The following GALNT15 variants were observed in gnomAD, a reference collection of about 807,000 sequenced individuals.
GALNT15 encodes the protein polypeptide N-acetylgalactosaminyltransferase 15.
In GALNT15, 67 loss-of-function variants were observed where a neutral mutation model predicts 66.8. That is an observed-to-expected ratio of 1.00 (90% confidence interval 0.82 to 1.23). The LOEUF (loss-of-function observed/expected upper bound fraction) is 1.23. Among genes scored for constraint, GALNT15 ranks in the 50% most tolerant of loss-of-function variants. GALNT15 has a pLI of 0.00. For missense variants in GALNT15, 827 were observed against 804.3 expected (o/e 1.03, Z -0.34); for synonymous variants, 313 against 311.5 (o/e 1.00, Z -0.05).
chr3:16,175,785 T>A lies in GALNT15; in HGVS notation c.539+95T>A. 8.7e-7 allele frequency: 1 copy of A among 1,145,906 alleles called. No individual in the cohort carries two copies. The highest frequency in any genetic ancestry group is 1.2e-6 in the Non-Finnish European group (1 of 828,868). The allele number at this position is 1,145,906 out of a possible 1,614,324, so 71.0% of individuals were successfully genotyped here. On this transcript the variant is annotated intron_variant, in intron 1 of 9. Transcript: ENST00000339732. This position sits in a 1 kb window ranked among gnomAD's most constrained non-coding sequence, Gnocchi z 5.6. Reference sequence around the variant, plus strand: ...CAAACTTTCCGTAGCCTGCCTCTCCTGACTTAGAGCAAGTGCTTTTCAAGA... The same window carrying A: ...CAAACTTTCCGTAGCCTGCCTCTCCAGACTTAGAGCAAGTGCTTTTCAAGA...
chr3:16,219,317 T>G lies in GALNT15; in HGVS notation c.1393-86T>G, dbSNP rs2124897952. The G allele has an allele frequency of 6.4e-7, 1 of 1,553,772 alleles. No individual in the cohort carries two copies. Among genetic ancestry groups the G allele is most frequent in the East Asian group, 2.2e-5 (1 of 44,648 alleles). On this transcript the variant is annotated intron_variant, in intron 6 of 9. Transcript: ENST00000339732. The surrounding 1 kb of genome is among the most constrained non-coding windows in gnomAD (Gnocchi z 4.3). The stretch of plus-strand genomic sequence containing the variant: ...CTTCCTTCTGTCCTGATCCTTTAGC[T>G]TCTTCCCAGCCACTCCATCCCCAAC...
chr3:16,243,563 G>T, the GALNT15 span, among the ~76,000 whole-genome samples: 2 of 152,232 alleles, frequency 1.3e-5, 1 homozygote, highest in East Asian at 3.8e-4. Flanking sequence ...TTTATTGGCA[G>T]GTGTAGCAAG....
At chr3:16,218,222 G>A (rs1051496912) in intron 6 of GALNT15, among the ~76,000 whole-genome samples, 1 of 152,156 alleles carries the variant, frequency 6.6e-6, no homozygotes, top group Non-Finnish European at 1.5e-5. Context: ...AAAGAGAGAG[G>A]GAAAGCAGAA....
At chr3:16,242,549 G>C in the GALNT15 span, among the ~76,000 whole-genome samples, 1 of 152,012 alleles carries the variant, frequency 6.6e-6, no homozygotes, top group Non-Finnish European at 1.5e-5. The surrounding 1 kb of genome is among the most constrained non-coding windows in gnomAD (Gnocchi z 5.6). Context: ...CTTGCGCCCA[G>C]GAATTCGAGA....
intron 4 of GALNT15, among the ~76,000 whole-genome samples, chr3:16,210,657 G>T (rs969791369): frequency 4.6e-5 from 7 of 152,186 alleles, no homozygotes; most frequent in Admixed American, 4.6e-4. Context: ...GTCCCTGGTG[G>T]ATTCATCATA....
At chr3:16,208,239 T>C (rs1183616777) in intron 3 of GALNT15, among the ~76,000 whole-genome samples, 2 of 152,226 alleles carry the variant, frequency 1.3e-5, no homozygotes, top group African/African-American at 2.4e-5. Context: ...ATAATATAGT[T>C]CAGTAAACCC....
Position 16,200,332 on chromosome 3 carries a change from A to G in GALNT15, c.707-287A>G, listed in dbSNP as rs1197703862. Among the ~76,000 whole-genome samples, 1 of 152,200 alleles carries G rather than the reference A, an allele frequency of 6.6e-6. No homozygotes were observed. Among genetic ancestry groups the G allele is most frequent in the Non-Finnish European group, 1.5e-5 (1 of 68,032 alleles). Reference sequence around the variant, plus strand: ...CCAAACCATATCAGACACCAACAGTATCTGCTACATTCTTGCTGCTGCATT... The same window carrying G: ...CCAAACCATATCAGACACCAACAGTGTCTGCTACATTCTTGCTGCTGCATT... On this transcript the variant is annotated intron_variant, in intron 2 of 9. Transcript: ENST00000339732. This position sits in a 1 kb window ranked among gnomAD's most constrained non-coding sequence, Gnocchi z 4.4.
rs774305966 is a variant in GALNT15, at chr3:16,219,924, A to C, written c.1539A>C (p.Gly513=). ...PSFSGKLHNT[G]LGLCADCQAE... ...TCCACTTTCAGCTCCACAACACTGG[A>C]CTTGGGCTCTGTGCAGACTGCCAGG... Residue 513 remains glycine (G), a synonymous_variant, in exon 8 of 10, where the codon GGA becomes GGC. Transcript: ENST00000339732. The surrounding 1 kb of genome is among the most constrained non-coding windows in gnomAD (Gnocchi z 4.3). 52 of 1,613,938 alleles carry C rather than the reference A, an allele frequency of 3.2e-5. No individual in the cohort carries two copies. The highest frequency in any genetic ancestry group is 4.1e-5 in the Non-Finnish European group (48 of 1,179,960).
intron 3 of GALNT15, among the ~76,000 whole-genome samples, chr3:16,207,533 A>ATTGGACT (rs2063769979): frequency 5.1e-4 from 1 of 1,950 alleles, no homozygotes; most frequent in African/African-American, 2.5e-3. Flanking sequence ...AAAAAAAAAA[A>ATTGGACT]AAAAAAAAAA....
At position 16,208,654 on chromosome 3, in the gene GALNT15, C is replaced by G; in HGVS notation, c.1063C>G (p.Pro355Ala). The G allele has an allele frequency of 1.2e-6, 2 of 1,613,958 alleles. No individual in the cohort carries two copies. The highest frequency in any genetic ancestry group is 1.7e-6 in the Non-Finnish European group (2 of 1,179,962). ...GCATGTGAGGAAGGCCCTCCAGTCC[C>G]CCATAAGCCCCATCAGGTGAGTCCC... ...PEHVRKALQS[P>A]ISPIRSPVVP... is the part of the protein sequence containing the mutation. Residue 355 changes from proline to alanine, a missense_variant, in exon 4 of 10, where the codon CCC becomes GCC. Pro to Ala is a conservative substitution (Grantham distance 27). Transcript: ENST00000339732.
At chr3:16,212,840 T>C (rs2063832041) in intron 6 of GALNT15, 77 bp downstream of exon 6, 1 of 1,303,838 alleles carries the variant, frequency 7.7e-7, no homozygotes, top group Admixed American at 2.1e-5. Flanking sequence ...AGGGCTCCTT[T>C]CTCTTGCCTG....
chr3:16,233,161 T>G (rs979807416), downstream of GALNT15, among the ~76,000 whole-genome samples: 1 of 136,702 alleles, frequency 7.3e-6, no homozygotes, highest in Non-Finnish European at 1.5e-5. Context: ...AGTGGCACGA[T>G]CTTGATTCAC....
In GALNT15 at chr3:16,208,504, A is replaced by G. The variant is rs773782318; in HGVS notation, c.913A>G (p.Ser305Gly). The G allele has an allele frequency of 4.3e-6, 7 of 1,613,570 alleles. No individual in the cohort carries two copies. Among genetic ancestry groups the G allele is most frequent in the Non-Finnish European group, 5.9e-6 (7 of 1,179,762 alleles). ...PLLSRIAGDR[S>G]RVVSPVIDVI... ...GTTTAATTCCACAATTCTTTCCAGG[A>G]GCCGAGTGGTATCTCCGGTGATAGA... Residue 305 changes from serine (S) to glycine (G), a missense_variant and splice_region_variant, in exon 4 of 10, where the codon AGC becomes GGC. Physicochemically the swap from Ser to Gly is moderately conservative, Grantham distance 56. Coordinates refer to ENST00000339732, the MANE Select transcript of GALNT15 (RefSeq NM_054110.5).
At position 16,209,836 on chromosome 3, in the gene GALNT15, A is replaced by T. The variant is rs2063794977; in HGVS notation, c.1079+1166A>T. ...GATTCTGTCTCAAAAACAAAAAACAAAAACAAAATCATTAGGCAGCAAAAG... is the reference window on the plus strand; with the variant it reads ...GATTCTGTCTCAAAAACAAAAAACATAAACAAAATCATTAGGCAGCAAAAG... On this transcript the variant is annotated intron_variant, in intron 4 of 9. Transcript: ENST00000339732. This position sits in a 1 kb window ranked among gnomAD's most constrained non-coding sequence, Gnocchi z 4.1. Among the ~76,000 whole-genome samples, 1 of 152,208 alleles carries T rather than the reference A, an allele frequency of 6.6e-6. No homozygotes were observed. The highest frequency in any genetic ancestry group is 2.1e-4 in the South Asian group (1 of 4,834).
chr3:16,232,512 T>TGTATATA (rs56354612), downstream of GALNT15, among the ~76,000 whole-genome samples: 11 of 40,188 alleles, frequency 2.7e-4, no homozygotes, highest in Admixed American at 2.3e-3. Flanking sequence ...ATATATATAT[T>TGTATATA]TATTTAAAAG....
rs1472344169 is a variant in GALNT15, at chr3:16,186,481, T to C, written c.540-9279T>C. Among the ~76,000 whole-genome samples, 1 of 152,200 alleles carries C rather than the reference T, an allele frequency of 6.6e-6. No individual in the cohort carries two copies. Among genetic ancestry groups the C allele is most frequent in the Non-Finnish European group, 1.5e-5 (1 of 68,040 alleles). The stretch of plus-strand genomic sequence containing the variant: ...AAAAACATGTTCACATGAAAACTTA[T>C]ACATGAATATTCATAGTGGCATTAG... On this transcript the variant is annotated intron_variant, in intron 1 of 9. Transcript: ENST00000339732. The surrounding 1 kb of genome is among the most constrained non-coding windows in gnomAD (Gnocchi z 5.1).
intron 2 of GALNT15, among the ~76,000 whole-genome samples, chr3:16,198,945 G>T (rs1461459505): frequency 1.4e-5 from 2 of 142,068 alleles, no homozygotes; most frequent in Admixed American, 7.1e-5. Flanking sequence ...CTGGGGAACT[G>T]GGGGGGAAAT....
chr3:16,238,302 AT>A, the GALNT15 span, among the ~76,000 whole-genome samples: 16 of 138,550 alleles, frequency 1.2e-4, no homozygotes, highest in African/African-American at 3.9e-4. The surrounding 1 kb of genome is among the most constrained non-coding windows in gnomAD (Gnocchi z 4.8). Context: ...AAACATATGT[AT>A]TCACTGCCAG....
chr3:16,197,622 C>G (rs2063652951), intron 2 of GALNT15, among the ~76,000 whole-genome samples: 1 of 152,166 alleles, frequency 6.6e-6, no homozygotes, highest in South Asian at 2.1e-4. Context: ...GGCTTCCAAG[C>G]CGATGGTCAT....
Sources: allele counts gnomAD v4.1 joint callset (sites outside exome capture counted in the v4.1 genomes callset), GRCh38; gene constraint gnomAD v4.1.1; non-coding constraint Gnocchi (gnomAD v3.1); transcripts MANE v1.5; gene names NCBI Gene and HGNC (gene_info 2026-07-23, HGNC 2026-07-21).